The following ADGRL2 variants were observed in gnomAD, a reference collection of about 807,000 sequenced individuals.
The protein encoded by ADGRL2 is adhesion G protein-coupled receptor L2.
In ADGRL2, 44 loss-of-function variants were observed where a neutral mutation model predicts 157.4. The ratio of observed to expected loss-of-function variants is 0.28; its 90% confidence interval spans 0.22 to 0.36. The LOEUF is 0.36. Among genes scored for constraint, ADGRL2 ranks in the 10% least tolerant of loss-of-function variants. The probability of loss-of-function intolerance (pLI) is 1.00; values close to 1 mark genes in which losing one functional copy is unlikely to be tolerated. For missense variants in ADGRL2, 1,510 were observed against 1,768.9 expected, an observed-to-expected ratio of 0.85 and a Z score of 2.63; for synonymous variants, 585 against 624.7, an observed-to-expected ratio of 0.94 and a Z score of 0.95.
At chr1:81,329,021 A>G (rs979333223) in intron 1 of ADGRL2, among the ~76,000 whole-genome samples, 5 of 152,120 alleles carry the variant, frequency 3.3e-5, no homozygotes, top group Non-Finnish European at 7.4e-5. Flanking sequence ...TTTAGTGCAA[A>G]ACCCAATTAA....
intron 1 of ADGRL2, chr1:81,721,702 C>T (rs1479179140): frequency 7.3e-7 from 1 of 1,363,170 alleles, no homozygotes; most frequent in Non-Finnish European, 1.0e-6. Flanking sequence ...CATGGACCCC[C>T]CGCAAAGTGA....
chr1:81,909,359 TATC>T (rs2094658167), intron 3 of ADGRL2, among the ~76,000 whole-genome samples: 1 of 152,184 alleles, frequency 6.6e-6, no homozygotes, highest in Non-Finnish European at 1.5e-5. Context: ...AGTTAAGAGT[TATC>T]ATTTATATAG....
chr1:81,678,222 A>C (rs1446663876), intron 3 of ADGRL2, among the ~76,000 whole-genome samples: 1 of 152,224 alleles, frequency 6.6e-6, no homozygotes. Flanking sequence ...TATAGCATAG[A>C]GCCAAACATG....
At chr1:81,455,100 G>A (rs998420807) in intron 2 of ADGRL2, among the ~76,000 whole-genome samples, 4 of 152,166 alleles carry the variant, frequency 2.6e-5, no homozygotes, top group African/African-American at 9.7e-5. Flanking sequence ...CTAACCAAGA[G>A]AGAAGCAAGT....
chr1:81,950,973 G>C, intron 7 of ADGRL2, 45 bp from the exon 8 acceptor site: 1 of 1,288,730 alleles, frequency 7.8e-7, no homozygotes, highest in Middle Eastern at 1.8e-4. Flanking sequence ...AATGCATGCA[G>C]AAAAATGGTT....
rs374942988 is a variant in ADGRL2 at position 81,650,429 on chromosome 1, AGCTGGGCATGGTGGCACAC to A, written c.-143+69452_-143+69470del. Among the ~76,000 whole-genome samples, 394 of 152,132 alleles carry A rather than the reference AGCTGGGCATGGTGGCACAC, an allele frequency of 2.6e-3. 3 individuals carry two copies. The highest frequency in any genetic ancestry group is 8.3e-3 in the African/African-American group (344 of 41,504). ...TCTCTACTAAAAAAATACAAAAATTAGCTGGGCATGGTGGCACACGCCCATAATTCCAGCTACTCGGGAG... is the reference window on the plus strand; with the variant it reads ...TCTCTACTAAAAAAATACAAAAATTAGCCCATAATTCCAGCTACTCGGGAG... On this transcript the variant is annotated intron_variant, in intron 3 of 24. Transcript: ENST00000370721.
intron 2 of ADGRL2, among the ~76,000 whole-genome samples, chr1:81,850,950 G>A (rs2092984075): frequency 6.6e-6 from 1 of 151,738 alleles, no homozygotes; most frequent in African/African-American, 2.4e-5. Flanking sequence ...TTAAATGATT[G>A]AGAAGCACAT....
chr1:81,427,067 T>A, intron 1 of ADGRL2: 1 of 1,418,556 alleles, frequency 7.0e-7, no homozygotes, highest in South Asian at 1.1e-5. Context: ...ATGGGCATAA[T>A]TGTGAAGTGA....
chr1:81,610,497 G>C (rs181242036), intron 3 of ADGRL2, among the ~76,000 whole-genome samples: 4 of 152,104 alleles, frequency 2.6e-5, no homozygotes, highest in African/African-American at 9.7e-5. Context: ...AATATGAGGA[G>C]AAACTTGATC....
intron 1 of ADGRL2, among the ~76,000 whole-genome samples, chr1:81,394,662 G>T (rs1458150986): frequency 6.6e-6 from 1 of 152,216 alleles, no homozygotes; most frequent in African/African-American, 2.4e-5. Context: ...GAATAGTGCT[G>T]CCACAAACAT....
rs887325210 is a variant in ADGRL2, at chr1:81,487,601, C to T, written c.-248+42512C>T. On this transcript the variant is annotated intron_variant, in intron 2 of 24. Coordinates refer to the ADGRL2 transcript ENST00000370721. ...CGGAGGTTGCAGGGAGCTGAGATGGCGCCACTGAACTCCAGGCTGGGAGAC... is the reference window on the plus strand; with the variant it reads ...CGGAGGTTGCAGGGAGCTGAGATGGTGCCACTGAACTCCAGGCTGGGAGAC... Among the ~76,000 whole-genome samples, 10 of 151,700 alleles carry T rather than the reference C, an allele frequency of 6.6e-5. No individual in the cohort carries two copies. In the East Asian group the frequency reaches 9.7e-4, roughly 15 times the overall value.
intron 2 of ADGRL2, among the ~76,000 whole-genome samples, chr1:81,477,817 C>T (rs968132438): frequency 6.6e-6 from 1 of 152,176 alleles, no homozygotes; most frequent in Non-Finnish European, 1.5e-5. Flanking sequence ...GATTCAGCTG[C>T]TTCAGGTCGT....
intron 2 of ADGRL2, among the ~76,000 whole-genome samples, chr1:81,792,666 G>T (rs990664977): frequency 3.3e-5 from 5 of 152,048 alleles, no homozygotes; most frequent in African/African-American, 4.8e-5. Flanking sequence ...TTTCTCATGT[G>T]CTTATTTTCT....
chr1:81,887,587 A>G (rs10493705), intron 2 of ADGRL2, among the ~76,000 whole-genome samples: 5,914 of 152,248 alleles, frequency 0.039, 403 homozygotes, highest in African/African-American at 0.13. Context: ...TATAAAAGGA[A>G]ACACCGGGCT....
At chr1:81,455,500 G>C (rs962379571) in intron 2 of ADGRL2, among the ~76,000 whole-genome samples, 5 of 152,140 alleles carry the variant, frequency 3.3e-5, no homozygotes, top group African/African-American at 9.7e-5. Flanking sequence ...TCCCGGTACT[G>C]AGCTTGTTAT....
intron 3 of ADGRL2, among the ~76,000 whole-genome samples, chr1:81,651,424 G>A (rs1411777387): frequency 6.6e-6 from 1 of 152,158 alleles, no homozygotes; most frequent in African/African-American, 2.4e-5. Flanking sequence ...TACGCTGGTT[G>A]ATAAGTGTAA....
rs1664563592 is a variant in ADGRL2 at position 81,991,291 on chromosome 1, C to T, written c.*146C>T. 3.0e-6 allele frequency: 2 copies of T among 665,710 alleles called. No homozygotes were observed. The highest frequency in any genetic ancestry group is 5.0e-6 in the Non-Finnish European group (2 of 403,204). The allele number at this position is 665,710 out of a possible 1,614,324, so 41.2% of individuals were successfully genotyped here. Reference sequence around the variant, plus strand: ...GTGTAAAAAAGATGACTGAACCTTGCAGTTCTGTGAATTTTTATAAAACAT... The same window carrying T: ...GTGTAAAAAAGATGACTGAACCTTGTAGTTCTGTGAATTTTTATAAAACAT... On this transcript the variant is annotated 3_prime_UTR_variant, in exon 24 of 24. Coordinates refer to ENST00000686636, the MANE Select transcript of ADGRL2 (RefSeq NM_001366006.2).
At chr1:81,341,058 G>T (rs1662038825) in intron 1 of ADGRL2, among the ~76,000 whole-genome samples, 2 of 152,172 alleles carry the variant, frequency 1.3e-5, no homozygotes, top group South Asian at 2.1e-4. Flanking sequence ...GTAATCGACG[G>T]TTACAAAGAA....
At chr1:81,514,305 A>G (rs1262590734) in intron 2 of ADGRL2, among the ~76,000 whole-genome samples, 1 of 152,166 alleles carries the variant, frequency 6.6e-6, no homozygotes, top group African/African-American at 2.4e-5. Flanking sequence ...TATGTGGGGT[A>G]GTTACAGCCG....
Sources: allele counts gnomAD v4.1 joint callset (sites outside exome capture counted in the v4.1 genomes callset), GRCh38; gene constraint gnomAD v4.1.1; transcripts MANE v1.5; gene names NCBI Gene and HGNC (gene_info 2026-07-23, HGNC 2026-07-21).